The following ELP1 variants were observed in gnomAD, a reference collection of about 807,000 sequenced individuals.
ELP1 encodes elongator acetyltransferase complex subunit 1.
A neutral mutation model predicts 183.2 loss-of-function variants in ELP1; 131 were observed. The ratio of observed to expected loss-of-function variants is 0.72; its 90% CI spans 0.62 to 0.83. ELP1 has a LOEUF of 0.83. Ranked by LOEUF, ELP1 falls within the 40% of genes least tolerant of loss-of-function variation. The pLI is 0.00. For missense variants in ELP1, 1,550 were observed against 1,594.9 expected, an observed-to-expected ratio of 0.97 and a Z score of 0.48; for synonymous variants, 555 against 569.0, an observed-to-expected ratio of 0.98 and a Z score of 0.35.
At chr9:108,879,676 T>C in intron 32 of ELP1, 119 bp from the exon 33 acceptor site, 1 of 740,230 alleles carries the variant, frequency 1.4e-6, no homozygotes, top group Non-Finnish European at 2.5e-6. Context: ...TGGATGAAAA[T>C]GATTGCAAAG....
intron 2 of ELP1, among the ~76,000 whole-genome samples, chr9:108,930,455 C>CT (rs1564109805): frequency 6.6e-6 from 1 of 152,266 alleles, no homozygotes; most frequent in African/African-American, 2.4e-5. Context: ...TGGCCGGGCG[C>CT]TGAGGCAGGC....
rs777118540 is a variant in ELP1 at position 108,912,348 on chromosome 9, G to A, written c.1105C>T (p.Leu369Phe). 9 of 1,614,194 alleles carry A rather than the reference G, an allele frequency of 5.6e-6. No individual in the cohort carries two copies. The highest frequency in any genetic ancestry group is 7.6e-6 in the Non-Finnish European group (9 of 1,180,036). Residue 369 changes from leucine (L) to phenylalanine (F), a missense_variant, in exon 11 of 37, where the codon CTC becomes TTC. Coordinates refer to ENST00000374647, the MANE Select transcript of ELP1 (RefSeq NM_003640.5). ...GTCGTCCAGTGCCAATCATAGGCGA[G>A]GTAATGCCAGCCCTGACAGAGAACA... ...LHVLCQGWHYLAYDWHWTTDR... is the reference protein window; with the variant it reads ...LHVLCQGWHYFAYDWHWTTDR...
In ELP1 at chr9:108,896,989, G is replaced by A. The variant is rs1828575874; in HGVS notation, c.2551C>T (p.Leu851=). ...TGTACTTTTTGCAGTACAATTTCCA[G>A]TTCTGGGGTTGTCTTCTTTACATGA... ...TSHVKKTTPE[L]EIVLQKVHEL... Residue 851 remains leucine, a synonymous_variant, in exon 24 of 37, where the codon CTG becomes TTG. Transcript: ENST00000374647. The A allele has an allele frequency of 6.2e-7, 1 of 1,614,028 alleles. No homozygotes were observed. Among genetic ancestry groups the A allele is most frequent in the Non-Finnish European group, 8.5e-7 (1 of 1,180,022 alleles).
chr9:108,914,860 CG>C (rs1371041856), intron 10 of ELP1, among the ~76,000 whole-genome samples: 1 of 152,156 alleles, frequency 6.6e-6, no homozygotes, highest in Non-Finnish European at 1.5e-5. Context: ...CTCCTGACCT[CG>C]TGATCCGCCC....
Position 108,893,948 on chromosome 9 carries a change from T to A in ELP1, c.2855A>T (p.Lys952Ile), listed in dbSNP as rs2230798. Reference protein sequence around the residue: ...RYEKAIGHLSKCGPEYFPECL... With the variant: ...RYEKAIGHLSICGPEYFPECL... ...ATACTAATCCCCACACTTACCACAT[T>A]TGCTGAGGTGGCCAATGGCTTTTTC... The change falls in exon 26 of 37, where the codon AAA becomes ATA. Residue 952 changes from lysine to isoleucine, a missense_variant. Transcript: ENST00000374647. 28,686 of 1,613,514 alleles carry A rather than the reference T, an allele frequency of 0.018. 365 individuals carry two copies. Among genetic ancestry groups the A allele is most frequent in the East Asian group, 0.052 (2,325 of 44,818 alleles).
intron 29 of ELP1, 122 bp downstream of exon 29, chr9:108,889,210 C>T (rs1478838517): frequency 2.1e-6 from 2 of 939,542 alleles, no homozygotes; most frequent in Non-Finnish European, 1.8e-6. Flanking sequence ...ACCTCTGGGG[C>T]AAACACTATC....
Position 108,913,388 on chromosome 9 carries a change from A to G in ELP1, c.959-894T>C, listed in dbSNP as rs573712948. On this transcript the variant is annotated intron_variant, in intron 10 of 36. Coordinates refer to ENST00000374647, the MANE Select transcript of ELP1 (RefSeq NM_003640.5). ...TAAGCAAGCAAGACTTAATCATGCC[A>G]AAACCAACCTTTACTAAACAGATGA... Among the ~76,000 whole-genome samples, 4 of 152,344 alleles carry G rather than the reference A, an allele frequency of 2.6e-5. No individual in the cohort carries two copies. The East Asian group carries it at 7.7e-4, about 29-fold the overall frequency.
At chr9:108,888,287 G>A (rs577287259) in intron 29 of ELP1, among the ~76,000 whole-genome samples, 37 of 152,296 alleles carry the variant, frequency 2.4e-4, no homozygotes, top group African/African-American at 8.9e-4. Context: ...GGGAACTTTT[G>A]GGGGTGTTAG....
chr9:108,896,082 C>G (rs891820389), intron 25 of ELP1, among the ~76,000 whole-genome samples: 54 of 152,196 alleles, frequency 3.5e-4, no homozygotes, highest in African/African-American at 1.2e-3. Flanking sequence ...ACAGTGAAAC[C>G]CTGTCTCTAC....
chr9:108,920,567 C>T (rs113235807), intron 6 of ELP1, among the ~76,000 whole-genome samples: 1 of 152,154 alleles, frequency 6.6e-6, no homozygotes, highest in African/African-American at 2.4e-5. Context: ...CAGGCATCAG[C>T]CACTGTGCCC....
Position 108,911,236 on chromosome 9 carries a change from A to T in ELP1, c.1190-56T>A, listed in dbSNP as rs75807977. On this transcript the variant is annotated intron_variant, in intron 11 of 36. Coordinates refer to ENST00000374647, the MANE Select transcript of ELP1 (RefSeq NM_003640.5). The stretch of plus-strand genomic sequence containing the variant: ...CCTAGGGATATTCAATTTGTAAGAT[A>T]AGCCATCTGAACATCACAGTATATC... 3.8e-4 allele frequency: 574 copies of T among 1,514,504 alleles called. 4 individuals are homozygous for T. In the African/African-American group the frequency reaches 6.9e-3, roughly 18 times the overall value. 93.8% of individuals were successfully genotyped at this position (1,514,504 alleles called of 1,614,324 possible). A position where few individuals can be genotyped will look rare whatever the true frequency, so the allele number is the denominator to read the frequency against.
rs1827654209 is a variant in ELP1, at chr9:108,875,050, CCCCAG to C, written c.3856-85_3856-81del. The C allele has an allele frequency of 3.4e-6, 3 of 894,448 alleles. No individual in the cohort carries two copies. The East Asian group carries it at 7.2e-5, about 22-fold the overall frequency. The allele number at this position is 894,448 out of a possible 1,614,324, so 55.4% of individuals were successfully genotyped here. On this transcript the variant is annotated intron_variant, in intron 35 of 36. Transcript: ENST00000374647. ...CCAATACCAAAGGCCAAATCCCTAC[CCCCAG>C]AAAACAGCCTGTCATTTCTACTGGT...
intron 8 of ELP1, 55 bp from the exon 9 acceptor site, chr9:108,917,725 G>C (rs773723236): frequency 6.3e-7 from 1 of 1,593,046 alleles, no homozygotes; most frequent in Non-Finnish European, 8.6e-7. Flanking sequence ...CTAAAGAATA[G>C]ATAAAATCCA....
chr9:108,926,491 G>C lies in ELP1; in HGVS notation c.466+32C>G, dbSNP rs142856660. 436 of 1,535,450 alleles carry C rather than the reference G, an allele frequency of 2.8e-4. 2 individuals carry two copies. The African/African-American group carries it at 5.0e-3, about 18-fold the overall frequency. On this transcript the variant is annotated intron_variant, in intron 5 of 36. Coordinates refer to ENST00000374647, the MANE Select transcript of ELP1 (RefSeq NM_003640.5). ...ATGGTCAAAAATGGGAAGAAACGTA[G>C]GTCACAAAATATTGCACAAAGCTAT...
At chr9:108,926,804 T>C (rs556653873) in intron 4 of ELP1, among the ~76,000 whole-genome samples, 4 of 152,188 alleles carry the variant, frequency 2.6e-5, no homozygotes, top group Admixed American at 2.6e-4. Flanking sequence ...CTGGTGCTTA[T>C]GCTCAGCTAT....
intron 29 of ELP1, among the ~76,000 whole-genome samples, chr9:108,883,120 C>A (rs942443742): frequency 1.3e-5 from 2 of 152,108 alleles, no homozygotes; most frequent in Non-Finnish European, 1.5e-5. Flanking sequence ...ATTGCCAAAT[C>A]CAAAGTCATG....
chr9:108,894,940 T>A (rs775797558), intron 25 of ELP1, among the ~76,000 whole-genome samples: 5 of 152,148 alleles, frequency 3.3e-5, no homozygotes, highest in Non-Finnish European at 7.3e-5. Context: ...GATAAATACA[T>A]GTAAGAACAA....
intron 28 of ELP1, among the ~76,000 whole-genome samples, chr9:108,889,977 T>A (rs1828260667): frequency 6.6e-6 from 1 of 152,196 alleles, no homozygotes; most frequent in African/African-American, 2.4e-5. Context: ...ACACACAGAG[T>A]GACTCCAGTG....
chr9:108,886,900 TAAA>T (rs34080947), intron 29 of ELP1, among the ~76,000 whole-genome samples: 13 of 136,086 alleles, frequency 9.6e-5, no homozygotes, highest in Non-Finnish European at 9.4e-5. Context: ...TAGAGAGCAT[TAAA>T]AAAAAAAAAA....
Sources: allele counts gnomAD v4.1 joint callset (sites outside exome capture counted in the v4.1 genomes callset), GRCh38; gene constraint gnomAD v4.1.1; transcripts MANE v1.5; gene names NCBI Gene and HGNC (gene_info 2026-07-23, HGNC 2026-07-21).